Variants in MAGT1 observed in about 807,000 individuals in gnomAD.
MAGT1 encodes magnesium transporter 1, also known as dolichyl-diphosphooligosaccharide--protein glycosyltransferase subunit MAGT1.
In MAGT1, 4 loss-of-function variants were observed where a neutral mutation model predicts 28.4. The observed-to-expected ratio is 0.14, with a 90% CI of 0.07 to 0.32. The LOEUF is 0.32. MAGT1 is among the 10% of genes least tolerant of loss of function. The pLI is 1.00. For missense variants in MAGT1, 193 were observed against 264.5 expected (o/e 0.73, Z 1.88); for synonymous variants, 89 against 89.7 (o/e 0.99, Z 0.04).
chrX:77,827,653 G>A lies in MAGT1; in HGVS notation c.*1567C>T, dbSNP rs975207956. 3.7e-4 allele frequency: 41 copies of A among 109,715 alleles called. No individual in the cohort carries two copies. Among genetic ancestry groups the A allele is most frequent in the African/African-American group, 1.3e-3 (38 of 30,150 alleles). The allele number at this position is 109,715 out of a possible 1,213,427, so 9.0% of individuals were successfully genotyped here. Reference sequence around the variant, plus strand: ...GACGGGGTTTCACCATGTTGGCCAGGATGGTCTCGAACTCCTGACCTCGTG... The same window carrying A: ...GACGGGGTTTCACCATGTTGGCCAGAATGGTCTCGAACTCCTGACCTCGTG... On this transcript the variant is annotated 3_prime_UTR_variant, in exon 10 of 10. Coordinates refer to ENST00000618282, the MANE Select transcript of MAGT1 (RefSeq NM_001367916.1).
chrX:77,830,884 C>T lies in MAGT1; in HGVS notation c.913G>A (p.Ala305Thr), dbSNP rs1557213321. The part of the protein sequence containing the change: ...DIGKRKIMCV[A>T]GIGLVVLFFS... Reference sequence around the variant, plus strand: ...AATAATACAACAAGTCCAATACCAGCCACACACATTACTGCAGAAAAATAA... The same window carrying T: ...AATAATACAACAAGTCCAATACCAGTCACACACATTACTGCAGAAAAATAA... Residue 305 changes from alanine (A) to threonine (T), a missense_variant, in exon 9 of 10, where the codon GCT (alanine) becomes ACT (threonine). Transcript: ENST00000618282. 1 of 1,125,768 alleles carries T rather than the reference C, an allele frequency of 8.9e-7. No homozygotes were observed. Among genetic ancestry groups the T allele is most frequent in the Non-Finnish European group, 1.2e-6 (1 of 838,695 alleles). The allele number at this position is 1,125,768 out of a possible 1,213,427, so 92.8% of individuals were successfully genotyped here.
chrX:77,859,867 TA>T (rs1284008981), intron 3 of MAGT1, among the ~76,000 whole-genome samples: 128 of 102,575 alleles, frequency 1.2e-3, no homozygotes, highest in East Asian at 1.5e-3. Flanking sequence ...ACTCTGTCTT[TA>T]AAAAAAAAAA....
At chrX:77,892,940 A>G (rs1557219605) in intron 1 of MAGT1, among the ~76,000 whole-genome samples, 1 of 112,149 alleles carries the variant, frequency 8.9e-6, no homozygotes, top group African/African-American at 3.2e-5. Context: ...AAAATTAAGA[A>G]GTTTTTGCAT....
At chrX:77,870,586 T>C (rs1474983892) in intron 3 of MAGT1, among the ~76,000 whole-genome samples, 1 of 111,483 alleles carries the variant, frequency 9.0e-6, no homozygotes, top group Non-Finnish European at 1.9e-5. Context: ...TTTACTACAA[T>C]AAAAATGTAT....
chrX:77,889,953 G>A (rs991241733), intron 1 of MAGT1, among the ~76,000 whole-genome samples: 9 of 111,866 alleles, frequency 8.0e-5, no homozygotes, highest in Admixed American at 7.6e-4. Context: ...CCAGCTTCTG[G>A]TAGCTATCAT....
chrX:77,837,965 C>T (rs144802723), intron 8 of MAGT1, among the ~76,000 whole-genome samples: 4,167 of 111,362 alleles, frequency 0.037, 119 homozygotes, highest in African/African-American at 0.1. Flanking sequence ...GTCTCGAACT[C>T]CTGACCTCAG....
intron 1 of MAGT1, among the ~76,000 whole-genome samples, chrX:77,884,987 G>A (rs1332889223): frequency 2.8e-5 from 3 of 105,866 alleles, no homozygotes; most frequent in African/African-American, 6.9e-5. Context: ...GCGTGAACCC[G>A]GGAGTCGGAG....
At chrX:77,888,891 A>G (rs2077074093) in intron 1 of MAGT1, among the ~76,000 whole-genome samples, 1 of 111,263 alleles carries the variant, frequency 9.0e-6, no homozygotes. Context: ...TGAGGTGTCC[A>G]TGCCCTCAAG....
At chrX:77,865,227 AG>A (rs1167800872) in intron 3 of MAGT1, among the ~76,000 whole-genome samples, 1 of 112,095 alleles carries the variant, frequency 8.9e-6, no homozygotes, top group Non-Finnish European at 1.9e-5. Flanking sequence ...TTATGTGCTT[AG>A]CACTGATAGC....
At chrX:77,875,051 T>TG (rs1342403852) in intron 2 of MAGT1, among the ~76,000 whole-genome samples, 1 of 108,563 alleles carries the variant, frequency 9.2e-6, no homozygotes, top group Non-Finnish European at 1.9e-5. Context: ...TTAGTAGAGA[T>TG]GGGGTTTCAC....
At chrX:77,867,076 C>T (rs2077010111) in intron 3 of MAGT1, among the ~76,000 whole-genome samples, 1 of 66,645 alleles carries the variant, frequency 1.5e-5, no homozygotes, top group African/African-American at 3.5e-5. Context: ...CTCGGGGAGA[C>T]TGACTTGAGT....
intron 1 of MAGT1, among the ~76,000 whole-genome samples, chrX:77,893,547 T>C (rs1557219657): frequency 1.8e-5 from 2 of 111,485 alleles, no homozygotes; most frequent in African/African-American, 6.5e-5. Flanking sequence ...AATGAATAAA[T>C]ATAATTTCAC....
intron 8 of MAGT1, among the ~76,000 whole-genome samples, chrX:77,835,163 T>C (rs1557213787): frequency 1.8e-5 from 2 of 109,308 alleles, no homozygotes; most frequent in Non-Finnish European, 3.8e-5. Flanking sequence ...GGTTTCACTG[T>C]GTTAGCCAGG....
chrX:77,843,364 G>A (rs1557214583), intron 7 of MAGT1, among the ~76,000 whole-genome samples: 1 of 111,662 alleles, frequency 9.0e-6, no homozygotes, highest in Non-Finnish European at 1.9e-5. Context: ...AGCCTCCTGA[G>A]TATCTAGGAC....
chrX:77,881,519 G>GT (rs1252082026), intron 1 of MAGT1, among the ~76,000 whole-genome samples: 1 of 106,171 alleles, frequency 9.4e-6, no homozygotes, highest in South Asian at 4.3e-4. Context: ...GCGGTGTTAG[G>GT]TTTTTTGTCC....
chrX:77,895,128 T>A (rs1484823109), intron 1 of MAGT1, among the ~76,000 whole-genome samples, 181 bp downstream of exon 1: 1 of 111,149 alleles, frequency 9.0e-6, no homozygotes, highest in East Asian at 2.8e-4. Flanking sequence ...AGATTCTACA[T>A]CCCCAGAAGA....
At chrX:77,830,041 G>T (rs1175096151) in intron 9 of MAGT1, among the ~76,000 whole-genome samples, 2 of 112,633 alleles carry the variant, frequency 1.8e-5, no homozygotes, top group Non-Finnish European at 3.8e-5. Context: ...ACAGCTGTTT[G>T]GGCATGGTGG....
intron 8 of MAGT1, among the ~76,000 whole-genome samples, chrX:77,832,314 T>C (rs1388187673): frequency 9.1e-6 from 1 of 110,497 alleles, no homozygotes; most frequent in Admixed American, 9.7e-5. Context: ...GGCAGGGGTG[T>C]CCAATCTTTT....
At chrX:77,865,891 C>A (rs2077007341) in intron 3 of MAGT1, among the ~76,000 whole-genome samples, 1 of 102,734 alleles carries the variant, frequency 9.7e-6, no homozygotes, top group Non-Finnish European at 2.0e-5. Context: ...CGTGGTGTCT[C>A]ACGCCTGTAA....
Sources: gnomAD v4.1 joint callset for allele counts (sites outside exome capture counted in the v4.1 genomes callset) on GRCh38, gnomAD v4.1.1 for gene constraint, MANE v1.5 for transcripts, NCBI Gene and HGNC (gene_info 2026-07-23, HGNC 2026-07-21) for gene names.